Variants in RAB3C observed in about 807,000 individuals in gnomAD.
RAB3C encodes ras-related protein Rab-3C.
A neutral mutation model predicts 26.4 loss-of-function variants in RAB3C; 17 were observed. That is an observed-to-expected ratio of 0.64 (90% CI 0.44 to 0.97). The LOEUF (loss-of-function observed/expected upper bound fraction) is 0.97. Among genes scored for constraint, RAB3C ranks in the 50% least tolerant of loss-of-function variants. The pLI, the probability that RAB3C is intolerant of heterozygous loss-of-function variation, is 0.00. For synonymous variants in RAB3C, 91 were observed against 95.9 expected (o/e 0.95, Z 0.30); for missense variants, 242 against 281.9 (o/e 0.86, Z 1.01).
chr5:58,843,757 A>T (rs1743926718), intron 4 of RAB3C, among the ~76,000 whole-genome samples: 1 of 152,214 alleles, frequency 6.6e-6, no homozygotes, highest in African/African-American at 2.4e-5. Flanking sequence ...ATATTTTGTG[A>T]AATTCCATGC....
At chr5:58,707,988 C>CTTTTTTTTTT (rs35213627) in intron 2 of RAB3C, among the ~76,000 whole-genome samples, 1 of 142,568 alleles carries the variant, frequency 7.0e-6, no homozygotes. Context: ...TCTTTCTTTC[C>CTTTTTTTTTT]TTTTTTTTTT....
chr5:58,846,406 G>A (rs1744004090), intron 4 of RAB3C, among the ~76,000 whole-genome samples: 1 of 152,124 alleles, frequency 6.6e-6, no homozygotes, highest in Admixed American at 6.5e-5. Context: ...CACTTCAGGT[G>A]ATTTGCTCTG....
chr5:58,813,843 C>T (rs1053232530), intron 3 of RAB3C, among the ~76,000 whole-genome samples: 1 of 81,672 alleles, frequency 1.2e-5, no homozygotes, highest in African/African-American at 7.2e-5. Context: ...TGGGTTAACA[C>T]CCATGGAGCA....
At chr5:58,723,559 T>C (rs1351599368) in intron 2 of RAB3C, among the ~76,000 whole-genome samples, 1 of 151,804 alleles carries the variant, frequency 6.6e-6, no homozygotes, top group Non-Finnish European at 1.5e-5. Flanking sequence ...GAAAGAGTTG[T>C]AGGCAATCTT....
chr5:58,853,873 A>C lies in RAB3C; in HGVS notation c.*2522A>C, dbSNP rs1744171024. The C allele has an allele frequency of 6.6e-6, 1 of 152,152 alleles. No individual in the cohort carries two copies. The highest frequency in any genetic ancestry group is 2.4e-5 in the African/African-American group (1 of 41,430). The allele number at this position is 152,152 out of a possible 1,614,324, so 9.4% of individuals were successfully genotyped here. ...ACAGAGCTCAAGAGAAAGAACACTT[A>C]AATGCTCCTGCTGTAATTGCATCAA... is the stretch of plus-strand genomic sequence containing the variant. On this transcript the variant is annotated 3_prime_UTR_variant, in exon 5 of 5. Coordinates refer to ENST00000282878, the MANE Select transcript of RAB3C (RefSeq NM_138453.4).
At chr5:58,736,614 T>A (rs1741142016) in intron 3 of RAB3C, among the ~76,000 whole-genome samples, 2 of 152,226 alleles carry the variant, frequency 1.3e-5, no homozygotes, top group African/African-American at 4.8e-5. Flanking sequence ...ATTGAAAACA[T>A]CTTCACATTA....
Position 58,843,085 on chromosome 5 carries a change from T to C in RAB3C, c.497-8079T>C, listed in dbSNP as rs1387943201. Among the ~76,000 whole-genome samples, 5 of 152,310 alleles carry C rather than the reference T, an allele frequency of 3.3e-5. No homozygotes were observed. In the East Asian group the frequency reaches 9.6e-4, roughly 29 times the overall value. On this transcript the variant is annotated intron_variant, in intron 4 of 4. Transcript: ENST00000282878. The stretch of plus-strand genomic sequence containing the variant: ...CATTTTCGCAACTGTAAAATGAGCC[T>C]TGTAAAGTCATCTACTTCATGGGGC...
intron 2 of RAB3C, among the ~76,000 whole-genome samples, chr5:58,630,647 A>T (rs1287262075): frequency 2.0e-5 from 3 of 152,166 alleles, no homozygotes. Flanking sequence ...GGAAATTTCC[A>T]CTGTACACTC....
At chr5:58,723,898 G>T (rs972830273) in intron 2 of RAB3C, among the ~76,000 whole-genome samples, 3 of 151,796 alleles carry the variant, frequency 2.0e-5, no homozygotes, top group African/African-American at 7.3e-5. Flanking sequence ...GAAGTTAGAT[G>T]CCAATCTCCA....
Position 58,785,842 on chromosome 5 carries a change from C to T in RAB3C, c.372-39196C>T, listed in dbSNP as rs544649104. Among the ~76,000 whole-genome samples the T allele has an allele frequency of 3.3e-5, 5 of 152,284 alleles. No individual in the cohort carries two copies. In the South Asian group the frequency reaches 6.2e-4, roughly 19 times the overall value. ...TAAATCTAATATGATCACAAGGGTC[C>T]GTGAAGCAGGGGAAATGATGTAGAA... On this transcript the variant is annotated intron_variant, in intron 3 of 4. Transcript: ENST00000282878.
chr5:58,817,426 GC>G (rs1743240968), intron 3 of RAB3C, among the ~76,000 whole-genome samples: 1 of 151,886 alleles, frequency 6.6e-6, no homozygotes, highest in South Asian at 2.1e-4. Context: ...CATATAAAAG[GC>G]CTACCCCCTA....
chr5:58,755,298 C>G (rs1192332963), intron 3 of RAB3C, among the ~76,000 whole-genome samples: 9 of 152,182 alleles, frequency 5.9e-5, no homozygotes, highest in Admixed American at 5.9e-4. Context: ...GTAATAAAAG[C>G]TTAATTGTCT....
chr5:58,672,841 A>C (rs1370069544), intron 2 of RAB3C, among the ~76,000 whole-genome samples: 1 of 152,158 alleles, frequency 6.6e-6, no homozygotes, highest in Non-Finnish European at 1.5e-5. Flanking sequence ...AGTTTCGAAT[A>C]ATGCTCTGTG....
chr5:58,776,629 C>T (rs1182969846), intron 3 of RAB3C, among the ~76,000 whole-genome samples: 2 of 151,892 alleles, frequency 1.3e-5, no homozygotes, highest in Non-Finnish European at 2.9e-5. Context: ...TTTTTCTCTG[C>T]GATATTGCTC....
intron 3 of RAB3C, among the ~76,000 whole-genome samples, chr5:58,814,166 C>T (rs1408688807): frequency 3.9e-5 from 6 of 152,114 alleles, no homozygotes; most frequent in Admixed American, 1.3e-4. Flanking sequence ...TCAAAAGGCC[C>T]GAGCGAGTTT....
intron 4 of RAB3C, among the ~76,000 whole-genome samples, chr5:58,840,770 G>T (rs1195656907): frequency 6.6e-6 from 1 of 152,142 alleles, no homozygotes; most frequent in Non-Finnish European, 1.5e-5. Context: ...GAGAGTCTGT[G>T]GCACCAGTGG....
At chr5:58,790,570 C>T (rs1194290582) in intron 3 of RAB3C, among the ~76,000 whole-genome samples, 2 of 152,126 alleles carry the variant, frequency 1.3e-5, no homozygotes, top group African/African-American at 4.8e-5. Flanking sequence ...CCCTGATATG[C>T]AGGCTCTACA....
At chr5:58,752,568 TATTATCAGTG>T (rs1741555566) in intron 3 of RAB3C, among the ~76,000 whole-genome samples, 1 of 152,170 alleles carries the variant, frequency 6.6e-6, no homozygotes, top group Non-Finnish European at 1.5e-5. Context: ...TTTTGTGGTG[TATTATCAGTG>T]ATTTGAGTCA....
intron 3 of RAB3C, among the ~76,000 whole-genome samples, chr5:58,789,645 C>T (rs1422748105): frequency 6.6e-6 from 1 of 152,120 alleles, no homozygotes; most frequent in East Asian, 1.9e-4. Flanking sequence ...AACTCAGATC[C>T]ATATACCTGG....
Sources: allele counts gnomAD v4.1 joint callset (sites outside exome capture counted in the v4.1 genomes callset), GRCh38; gene constraint gnomAD v4.1.1; transcripts MANE v1.5; gene names NCBI Gene and HGNC (gene_info 2026-07-23, HGNC 2026-07-21).